CEP112: variants seen among roughly 807,000 people sequenced by gnomAD.
The protein encoded by CEP112 is centrosomal protein of 112 kDa.
CEP112 carries 127 observed loss-of-function variants against 153.0 expected under a neutral mutation model. The ratio of observed to expected loss-of-function variants is 0.83; its 90% CI spans 0.72 to 0.96. The LOEUF is 0.96. Among genes scored for constraint, CEP112 ranks in the 40% least tolerant of loss-of-function variants. The pLI is 0.00. For missense variants in CEP112, 1,089 were observed against 1,101.2 expected (o/e 0.99, Z 0.16); for synonymous variants, 358 against 374.4 (o/e 0.96, Z 0.51).
intron 17 of CEP112, among the ~76,000 whole-genome samples, chr17:65,998,657 T>C (rs1357012056): frequency 6.6e-6 from 1 of 151,788 alleles, no homozygotes; most frequent in African/African-American, 2.4e-5. Context: ...ACGTATATAA[T>C]ATAGTCGTTA....
chr17:66,170,419 C>A (rs987059361), intron 4 of CEP112, among the ~76,000 whole-genome samples: 2 of 152,168 alleles, frequency 1.3e-5, no homozygotes, highest in Admixed American at 6.5e-5. Context: ...GTAACATTTT[C>A]TAAAGTCATG....
intron 21 of CEP112, among the ~76,000 whole-genome samples, chr17:65,776,898 A>C (rs956093835): frequency 6.6e-6 from 1 of 152,190 alleles, no homozygotes; most frequent in Middle Eastern, 3.2e-3. Flanking sequence ...CAATTAATAC[A>C]ATCTTTGCCA....
At chr17:65,862,422 A>G (rs2058340226) in intron 20 of CEP112, among the ~76,000 whole-genome samples, 1 of 152,122 alleles carries the variant, frequency 6.6e-6, no homozygotes, top group African/African-American at 2.4e-5. Context: ...CCCCATCTAT[A>G]CTAAAAATAC....
At chr17:65,821,411 T>G (rs2056527223) in intron 21 of CEP112, among the ~76,000 whole-genome samples, 1 of 147,084 alleles carries the variant, frequency 6.8e-6, no homozygotes, top group Non-Finnish European at 1.5e-5. Flanking sequence ...GGGAATATAA[T>G]GCATGGAACT....
chr17:65,979,878 T>C (rs2063166894), intron 17 of CEP112, among the ~76,000 whole-genome samples: 2 of 152,106 alleles, frequency 1.3e-5, no homozygotes, highest in South Asian at 2.1e-4. Context: ...GAACATCCTC[T>C]GGTAAAAAAT....
At chr17:66,051,519 C>A (rs1294991204) in intron 12 of CEP112, among the ~76,000 whole-genome samples, 5 of 152,016 alleles carry the variant, frequency 3.3e-5, no homozygotes, top group African/African-American at 9.7e-5. Flanking sequence ...ACATGACACT[C>A]AAGCTATTAA....
At chr17:65,762,726 C>T (rs1042423558) in intron 21 of CEP112, among the ~76,000 whole-genome samples, 1 of 151,772 alleles carries the variant, frequency 6.6e-6, no homozygotes, top group Non-Finnish European at 1.5e-5. Context: ...CTAATTTACT[C>T]CTTGTTATTT....
At chr17:66,169,563 C>T (rs1204966440) in intron 4 of CEP112, among the ~76,000 whole-genome samples, 2 of 152,062 alleles carry the variant, frequency 1.3e-5, no homozygotes, top group African/African-American at 4.8e-5. Flanking sequence ...GGATTACAGG[C>T]ATAAGCCACC....
At chr17:65,834,608 C>A (rs1324431432) in intron 21 of CEP112, among the ~76,000 whole-genome samples, 1 of 152,086 alleles carries the variant, frequency 6.6e-6, no homozygotes, top group Non-Finnish European at 1.5e-5. Flanking sequence ...CTCAATATTG[C>A]TGATCATTAG....
chr17:65,754,459 A>G (rs2052098340), intron 21 of CEP112, among the ~76,000 whole-genome samples: 1 of 152,140 alleles, frequency 6.6e-6, no homozygotes, highest in Admixed American at 6.5e-5. Context: ...AAATACAAAA[A>G]TTAGCCAGGT....
At chr17:66,121,293 T>C (rs1421596539) in intron 6 of CEP112, among the ~76,000 whole-genome samples, 1 of 149,786 alleles carries the variant, frequency 6.7e-6, no homozygotes, top group Non-Finnish European at 1.5e-5. Context: ...AAAAAAAAGA[T>C]TTCTCTTTGT....
intron 8 of CEP112, among the ~76,000 whole-genome samples, chr17:66,075,372 TTTGA>T (rs2067453071): frequency 6.6e-6 from 1 of 152,170 alleles, no homozygotes; most frequent in Non-Finnish European, 1.5e-5. Context: ...AAAAATTGAC[TTTGA>T]TATGGTAAGG....
intron 20 of CEP112, among the ~76,000 whole-genome samples, chr17:65,884,706 C>CTTTTTTTTTTTTTTTTTTTTTTTTTT (rs11370374): frequency 2.3e-5 from 3 of 130,660 alleles, no homozygotes; most frequent in African/African-American, 5.7e-5. Context: ...TTTGTAGTTT[C>CTTTTTTTTTTTTTTTTTTTTTTTTTT]TTTTTTTTTT....
At chr17:65,990,266 TC>T (rs1472890862) in intron 17 of CEP112, among the ~76,000 whole-genome samples, 73 of 152,220 alleles carry the variant, frequency 4.8e-4, no homozygotes, top group Middle Eastern at 3.4e-3. Flanking sequence ...AAGTGATTCT[TC>T]CCCTCAACAG....
chr17:65,856,522 A>G (rs953256469), intron 20 of CEP112, among the ~76,000 whole-genome samples: 3 of 152,194 alleles, frequency 2.0e-5, no homozygotes, highest in African/African-American at 7.2e-5. Flanking sequence ...TCTATCCCCT[A>G]ATTTTCACTA....
rs67399289 is a variant in CEP112 at position 65,690,113 on chromosome 17, CA to C, written c.2608-896del. On this transcript the variant is annotated intron_variant, in intron 23 of 26. Coordinates refer to ENST00000535342, the MANE Select transcript of CEP112 (RefSeq NM_001199165.4). Reference sequence around the variant, plus strand: ...GACATAGCAATGAAAGAAAACAGACCAAAAAAAAAAAAAAAAAAAAAAAAAC... The same window carrying C: ...GACATAGCAATGAAAGAAAACAGACCAAAAAAAAAAAAAAAAAAAAAAAAC... Among the ~76,000 whole-genome samples the C allele has an allele frequency of 9.7e-3, 607 of 62,558 alleles. 4 individuals carry two copies. Among genetic ancestry groups the C allele is most frequent in the African/African-American group, 0.025 (417 of 16,464 alleles). 41.0% of individuals were successfully genotyped at this position (62,558 alleles called of 152,430 possible). A position where few individuals can be genotyped will look rare whatever the true frequency, so the allele number is the denominator to read the frequency against.
At chr17:65,752,298 T>A (rs1038241761) in intron 21 of CEP112, among the ~76,000 whole-genome samples, 2 of 152,098 alleles carry the variant, frequency 1.3e-5, no homozygotes, top group Non-Finnish European at 2.9e-5. Flanking sequence ...TGCATATATG[T>A]ATGGGTTTGT....
At chr17:65,888,888 G>A (rs1055311007) in intron 20 of CEP112, among the ~76,000 whole-genome samples, 3 of 152,210 alleles carry the variant, frequency 2.0e-5, no homozygotes, top group Admixed American at 6.5e-5. Context: ...ATGTTCTCCC[G>A]CTGATCAGCT....
At chr17:66,084,167 T>A (rs1054012914) in intron 8 of CEP112, among the ~76,000 whole-genome samples, 4 of 152,122 alleles carry the variant, frequency 2.6e-5, no homozygotes, top group Non-Finnish European at 5.9e-5. Context: ...TAACAAATGC[T>A]GGCAATGATG....
Sources: allele counts gnomAD v4.1 joint callset (sites outside exome capture counted in the v4.1 genomes callset), GRCh38; gene constraint gnomAD v4.1.1; transcripts MANE v1.5; gene names NCBI Gene and HGNC (gene_info 2026-07-23, HGNC 2026-07-21).